The following USP11 variants were observed in gnomAD, a reference collection of about 807,000 sequenced individuals.
The protein encoded by USP11 is ubiquitin specific peptidase 11, also known as ubiquitin carboxyl-terminal hydrolase 11.
USP11 carries 5 observed loss-of-function variants against 72.8 expected under a neutral mutation model. The ratio of observed to expected loss-of-function variants is 0.07; its 90% CI spans 0.04 to 0.14. The LOEUF (loss-of-function observed/expected upper bound fraction) is 0.14. Among genes scored for constraint, USP11 ranks in the 10% least tolerant of loss-of-function variants. The pLI is 1.00. For synonymous variants in USP11, 368 were observed against 326.5 expected (o/e 1.13, Z -1.37); for missense variants, 480 against 794.7 (o/e 0.60, Z 4.76).
Position 47,241,495 on chromosome X carries a change from C to T in USP11, c.1020+45C>T, listed in dbSNP as rs765082683. The T allele has an allele frequency of 9.3e-6, 11 of 1,185,040 alleles. No individual in the cohort carries two copies. In the Admixed American group the frequency reaches 1.1e-4, roughly 12 times the overall value. On this transcript the variant is annotated intron_variant, in intron 8 of 20. Transcript: ENST00000377107. ...ACCCCCGACCCCCTACGTCTCTTGGCTCTCCTAACTCCCTCTCTCTCTGAT... is the reference window on the plus strand; with the variant it reads ...ACCCCCGACCCCCTACGTCTCTTGGTTCTCCTAACTCCCTCTCTCTCTGAT...
At chrX:47,238,513 A>G (rs1195773210) in intron 1 of USP11, among the ~76,000 whole-genome samples, 1 of 22,342 alleles carries the variant, frequency 4.5e-5, no homozygotes, top group Non-Finnish European at 9.8e-5. Flanking sequence ...TTTTTTTTTC[A>G]GTATGCAGTT....
chrX:47,238,933 ATTTATT>A (rs903136235), intron 1 of USP11, 131 bp from the exon 2 acceptor site: 87 of 438,168 alleles, frequency 2.0e-4, no homozygotes, highest in Non-Finnish European at 3.2e-4. Context: ...TTTGCTTCGA[ATTTATT>A]TTTATATGAT....
chrX:47,245,158 ACTC>A (rs2055425603), intron 16 of USP11, 72 bp downstream of exon 16: 3 of 1,130,266 alleles, frequency 2.7e-6, no homozygotes, highest in Non-Finnish European at 3.6e-6. Context: ...CCTCCCCACA[ACTC>A]CTCTAGCTGG....
chrX:47,236,267 T>G (rs774863506), intron 1 of USP11, among the ~76,000 whole-genome samples: 1 of 112,743 alleles, frequency 8.9e-6, no homozygotes. Context: ...CTCCACTTTG[T>G]TAATGCTTCT....
At chrX:47,243,985 C>T (rs942782671) in intron 13 of USP11, among the ~76,000 whole-genome samples, 1 of 111,668 alleles carries the variant, frequency 9.0e-6, no homozygotes, top group South Asian at 3.7e-4. Flanking sequence ...ATTCTCCCCC[C>T]TCATTTTGCA....
rs753835344 is a variant in USP11 at position 47,244,481 on chromosome X, C to T, written c.1791-17C>T. 1.7e-6 allele frequency: 2 copies of T among 1,208,381 alleles called. No individual in the cohort carries two copies. Among genetic ancestry groups the T allele is most frequent in the African/African-American group, 1.8e-5 (1 of 56,782 alleles). ...GTCCTTGTACCCGTCTTGGGAGTCT[C>T]CTCTGCTCTGTTGCAGACGCTACGT... On this transcript the variant is annotated splice_polypyrimidine_tract_variant and intron_variant, in intron 13 of 20. Coordinates refer to ENST00000377107, the MANE Select transcript of USP11 (RefSeq NM_001371072.1).
chrX:47,237,260 G>A (rs1013254901), intron 1 of USP11, among the ~76,000 whole-genome samples: 15 of 111,373 alleles, frequency 1.3e-4, no homozygotes, highest in African/African-American at 4.9e-4. Context: ...GGTGTGTGGG[G>A]TGCAGGGTTG....
chrX:47,233,407 G>A, intron 1 of USP11, 188 bp downstream of exon 1: 1 of 1,079,329 alleles, frequency 9.3e-7, no homozygotes. Flanking sequence ...CTGGAAAAGG[G>A]GCGGGGCCTG....
intron 13 of USP11, among the ~76,000 whole-genome samples, chrX:47,244,246 G>A (rs919936643): frequency 3.7e-5 from 4 of 109,218 alleles, no homozygotes; most frequent in Admixed American, 9.9e-5. Flanking sequence ...TTACAGCCGC[G>A]CGCCACCACG....
chrX:47,245,487 G>A lies in USP11; in HGVS notation c.2270+5G>A, dbSNP rs371375911. On this transcript the variant is annotated splice_donor_5th_base_variant and intron_variant, in intron 17 of 20. Coordinates refer to ENST00000377107, the MANE Select transcript of USP11 (RefSeq NM_001371072.1). ...CCTGGAGAAGGAAAACCCCTGGTGAGGGGCCAGAGCGGGGCCTGTGTGTGG... is the reference window on the plus strand; with the variant it reads ...CCTGGAGAAGGAAAACCCCTGGTGAAGGGCCAGAGCGGGGCCTGTGTGTGG... 9 of 1,162,113 alleles carry A rather than the reference G, an allele frequency of 7.7e-6. No individual in the cohort carries two copies. Among genetic ancestry groups the A allele is most frequent in the Non-Finnish European group, 9.4e-6 (8 of 852,261 alleles).
Position 47,242,099 on chromosome X carries a change from A to G in USP11, c.1197A>G (p.Ala399=). Reference sequence around the variant, plus strand: ...ATCAACAGGAGGTGGCACAGGAGGCATGGCAAAACCACAAACGGCGGAACG... The same window carrying G: ...ATCAACAGGAGGTGGCACAGGAGGCGTGGCAAAACCACAAACGGCGGAACG... The part of the protein sequence containing the change: ...GRPDQEVAQE[A]WQNHKRRNDS... The change falls in exon 10 of 21, where the codon GCA becomes GCG. Residue 399 remains alanine (A), a synonymous_variant. Coordinates refer to ENST00000377107, the MANE Select transcript of USP11 (RefSeq NM_001371072.1). The G allele has an allele frequency of 1.7e-6, 2 of 1,210,485 alleles. No individual in the cohort carries two copies. The highest frequency in any genetic ancestry group is 2.2e-6 in the Non-Finnish European group (2 of 894,959).
At chrX:47,247,245 C>T in intron 18 of USP11, 24 bp downstream of exon 18, 2 of 1,211,036 alleles carry the variant, frequency 1.7e-6, no homozygotes, top group South Asian at 1.8e-5. Context: ...GAGAGGATGG[C>T]TGGGGGAAGG....
chrX:47,233,366 C>T, intron 1 of USP11, 147 bp downstream of exon 1: 2 of 924,885 alleles, frequency 2.2e-6, no homozygotes, highest in African/African-American at 2.2e-5. Context: ...GCTAAAGGGG[C>T]GGGGAAGTGC....
intron 1 of USP11, 67 bp from the exon 2 acceptor site, chrX:47,239,003 C>A: frequency 2.7e-6 from 2 of 733,565 alleles, no homozygotes; most frequent in Non-Finnish European, 4.2e-6. Context: ...GTCTGTTGGG[C>A]ATGGGAAGTT....
At chrX:47,241,733 A>G (rs2055404320) in intron 9 of USP11, 34 bp downstream of exon 9, 11 of 1,155,768 alleles carry the variant, frequency 9.5e-6, no homozygotes, top group African/African-American at 1.8e-5. Flanking sequence ...TCCAATTAAC[A>G]TCACCAAGGC....
intron 1 of USP11, among the ~76,000 whole-genome samples, chrX:47,238,820 GGTTT>G (rs2055388121): frequency 9.0e-6 from 1 of 110,877 alleles, no homozygotes; most frequent in African/African-American, 3.3e-5. Flanking sequence ...ATTTTTTGTT[GGTTT>G]GTTTGCCATT....
chrX:47,233,616 C>G, intron 1 of USP11: 1 of 741,291 alleles, frequency 1.3e-6, no homozygotes. Flanking sequence ...TCCGATTGCT[C>G]CGGGGCGGCT....
intron 13 of USP11, among the ~76,000 whole-genome samples, chrX:47,244,254 A>G (rs1171376818): frequency 9.2e-6 from 1 of 108,921 alleles, no homozygotes; most frequent in Non-Finnish European, 1.9e-5. Flanking sequence ...GCGCGCCACC[A>G]CGCCCAGCTA....
chrX:47,238,363 A>AT (rs762477907), intron 1 of USP11, among the ~76,000 whole-genome samples: 9 of 108,026 alleles, frequency 8.3e-5, no homozygotes, highest in African/African-American at 2.4e-4. Flanking sequence ...AATTTGTTGT[A>AT]TTTTTTAGTA....
Sources: gnomAD v4.1 joint callset for allele counts (sites outside exome capture counted in the v4.1 genomes callset) on GRCh38, gnomAD v4.1.1 for gene constraint, MANE v1.5 for transcripts, NCBI Gene and HGNC (gene_info 2026-07-23, HGNC 2026-07-21) for gene names.